Variants in CKM observed in about 807,000 individuals in gnomAD.
CKM encodes the protein creatine kinase, M-type.
CKM carries 28 observed loss-of-function variants against 35.4 expected under a neutral mutation model. That is an observed-to-expected ratio of 0.79 (90% CI 0.59 to 1.08). The LOEUF (loss-of-function observed/expected upper bound fraction) is 1.08, where lower values mean the gene tolerates loss of function less well. CKM is among the 50% of genes least tolerant of loss of function. The pLI is 0.00. For missense variants in CKM, 484 were observed against 509.8 expected, an observed-to-expected ratio of 0.95 and a Z score of 0.49; for synonymous variants, 215 against 204.4, an observed-to-expected ratio of 1.05 and a Z score of -0.44.
Position 45,311,730 on chromosome 19 carries a change from G to T in CKM, c.653+19C>A. 6.4e-7 allele frequency: 1 copy of T among 1,553,206 alleles called. No individual in the cohort carries two copies. Among genetic ancestry groups the T allele is most frequent in the East Asian group, 2.4e-5 (1 of 42,314 alleles). On this transcript the variant is annotated intron_variant, in intron 5 of 7. Coordinates refer to ENST00000221476, the MANE Select transcript of CKM (RefSeq NM_001824.5). The stretch of plus-strand genomic sequence containing the variant: ...GAGGCTGGGGGAAGAGGAAGCCAGG[G>T]GGCGGGGAGGGGCCTCACCAGATGC...
Position 45,315,457 on chromosome 19 carries a change from G to A in CKM, c.481+8C>T. On this transcript the variant is annotated splice_region_variant and intron_variant, in intron 4 of 7. Transcript: ENST00000221476. Reference sequence around the variant, plus strand: ...GACCCCAGCAGTGGACGGGGTAGGGGCGCTCACCTTCCACAGAGAGCTTCT... The same window carrying A: ...GACCCCAGCAGTGGACGGGGTAGGGACGCTCACCTTCCACAGAGAGCTTCT... 6.3e-7 allele frequency: 1 copy of A among 1,598,430 alleles called. No individual in the cohort carries two copies. Among genetic ancestry groups the A allele is most frequent in the Non-Finnish European group, 8.5e-7 (1 of 1,179,394 alleles).
chr19:45,306,845 G>A lies in CKM; in HGVS notation c.1051C>T (p.Gln351Ter). The A allele has an allele frequency of 6.2e-7, 1 of 1,614,178 alleles. No individual in the cohort carries two copies. Among genetic ancestry groups the A allele is most frequent in the Non-Finnish European group, 8.5e-7 (1 of 1,180,030 alleles). Residue 351 changes from glutamine (Q) to a stop codon, truncating the protein, a stop_gained, in exon 8 of 8, where the codon CAG (glutamine) becomes TAG (stop). Coordinates refer to ENST00000221476, the MANE Select transcript of CKM (RefSeq NM_001824.5). LOFTEE classifies it high-confidence loss of function. The surrounding 1 kb of genome is among the most constrained non-coding windows in gnomAD (Gnocchi z 4.5). The stretch of plus-strand genomic sequence containing the variant: ...AGCTTCACACCATCCACCACCAGCT[G>A]CACCTGTTCTACTTCGGACGAGCCC... ...RLGSSEVEQV[Q>*]LVVDGVKLMV...
rs1246985467 is a variant in CKM, at chr19:45,317,719, AC to A, written c.348+105del. On this transcript the variant is annotated intron_variant, in intron 3 of 7. Coordinates refer to ENST00000221476, the MANE Select transcript of CKM (RefSeq NM_001824.5). ...TCTTTCCATCTCTCTGCTTCTCCACACCTCTGTGTCTCTCTCTGTCTCTGTA... is the reference window on the plus strand; with the variant it reads ...TCTTTCCATCTCTCTGCTTCTCCACACTCTGTGTCTCTCTCTGTCTCTGTA... 52 of 1,267,136 alleles carry A rather than the reference AC, an allele frequency of 4.1e-5. No homozygotes were observed. In the East Asian group the frequency reaches 9.5e-4, roughly 23 times the overall value. The allele number at this position is 1,267,136 out of a possible 1,614,324, so 78.5% of individuals were successfully genotyped here.
intron 2 of CKM, 135 bp from the exon 3 acceptor site, chr19:45,318,114 G>A: frequency 1.4e-6 from 1 of 697,400 alleles, no homozygotes; most frequent in African/African-American, 1.8e-5. Flanking sequence ...GGTGGGAATT[G>A]AGAATCATAA....
chr19:45,309,499 C>G (rs546041381), intron 5 of CKM, among the ~76,000 whole-genome samples: 1 of 141,954 alleles, frequency 7.0e-6, no homozygotes, highest in African/African-American at 2.7e-5. Context: ...CAGGCTGCAG[C>G]GAGCTATGAT....
intron 5 of CKM, among the ~76,000 whole-genome samples, chr19:45,309,679 T>C (rs1169275269): frequency 6.6e-6 from 1 of 151,612 alleles, no homozygotes; most frequent in Non-Finnish European, 1.5e-5. Flanking sequence ...CTGAGCAACA[T>C]GGCAGAACGC....
intron 6 of CKM, 81 bp from the exon 7 acceptor site, chr19:45,307,731 G>C: frequency 8.3e-7 from 1 of 1,199,974 alleles, no homozygotes; most frequent in South Asian, 1.3e-5. Context: ...GGTCCGGAGG[G>C]ACAGGGCGTG....
rs1220217193 is a variant in CKM at position 45,308,557 on chromosome 19, G to T, written c.654-25C>A. 5 of 1,613,852 alleles carry T rather than the reference G, an allele frequency of 3.1e-6. No homozygotes were observed. In the Admixed American group the frequency reaches 6.7e-5, roughly 22 times the overall value. On this transcript the variant is annotated intron_variant, in intron 5 of 7. Transcript: ENST00000221476. ...CCTAGAGTAAGGTGCCGCAGCAAGA[G>T]GCCAAGGTGTCAGCCCCGTGGGAAC...
At chr19:45,311,263 T>A (rs959469823) in intron 5 of CKM, among the ~76,000 whole-genome samples, 22 of 145,912 alleles carry the variant, frequency 1.5e-4, no homozygotes, top group African/African-American at 5.6e-4. Context: ...TGAGACAGTC[T>A]GGCTCTGTCG....
intron 2 of CKM, among the ~76,000 whole-genome samples, 157 bp downstream of exon 2, chr19:45,319,364 C>T (rs1280728109): frequency 6.6e-6 from 1 of 152,040 alleles, no homozygotes; most frequent in Non-Finnish European, 1.5e-5. Context: ...TGTCCCAAGC[C>T]TTTATGTATA....
intron 5 of CKM, among the ~76,000 whole-genome samples, chr19:45,310,916 G>T (rs898120624): frequency 6.8e-6 from 1 of 148,012 alleles, no homozygotes; most frequent in Non-Finnish European, 1.5e-5. Flanking sequence ...GACTACAGGC[G>T]CCTGCCACGA....
chr19:45,306,703 C>T lies in CKM; in HGVS notation c.*47G>A, dbSNP rs371920217. The T allele has an allele frequency of 4.0e-5, 65 of 1,605,478 alleles. No homozygotes were observed. Among genetic ancestry groups the T allele is most frequent in the Non-Finnish European group, 5.0e-5 (59 of 1,173,748 alleles). On this transcript the variant is annotated 3_prime_UTR_variant, in exon 8 of 8. Transcript: ENST00000221476. The surrounding 1 kb of genome is among the most constrained non-coding windows in gnomAD (Gnocchi z 4.5). The stretch of plus-strand genomic sequence containing the variant: ...GGAGCAGGACTCTGGTGGGCCAGGC[C>T]CTCCCACTGGCTGGGTTCCAGCAGT...
chr19:45,317,713 C>T (rs867782657), intron 3 of CKM, 112 bp downstream of exon 3: 3 of 1,226,462 alleles, frequency 2.4e-6, no homozygotes, highest in South Asian at 2.6e-5. Context: ...CTCTCTGCTT[C>T]TCCACACCTC....
intron 2 of CKM, 38 bp downstream of exon 2, chr19:45,319,483 C>G (rs770952011): frequency 2.5e-5 from 40 of 1,569,846 alleles, no homozygotes; most frequent in Non-Finnish European, 3.4e-5. Context: ...TCCAGAGCCC[C>G]CATGTAGCCC....
At chr19:45,308,080 G>C (rs955824391) in intron 6 of CKM, among the ~76,000 whole-genome samples, 28 of 151,990 alleles carry the variant, frequency 1.8e-4, no homozygotes, top group Non-Finnish European at 4.4e-5. Context: ...TCACCATGTT[G>C]GCCAGGCTGG....
Sources: gnomAD v4.1 joint callset for allele counts (sites outside exome capture counted in the v4.1 genomes callset) on GRCh38, gnomAD v4.1.1 for gene constraint, Gnocchi (gnomAD v3.1) non-coding constraint, MANE v1.5 for transcripts, NCBI Gene and HGNC (gene_info 2026-07-23, HGNC 2026-07-21) for gene names.